The following HS6ST3 variants were observed in gnomAD, a reference collection of about 807,000 sequenced individuals.
The protein encoded by HS6ST3 is heparan sulfate 6-O-sulfotransferase 3.
Under a neutral mutation model 36.7 loss-of-function variants are expected in HS6ST3, and 12 were observed. That is an observed-to-expected ratio of 0.33 (90% confidence interval 0.21 to 0.53). HS6ST3 has a LOEUF of 0.53. Among genes scored for constraint, HS6ST3 ranks in the 20% least tolerant of loss-of-function variants. The pLI is 0.95. For missense variants in HS6ST3, 584 were observed against 640.9 expected (o/e 0.91, Z 0.96); for synonymous variants, 240 against 257.5 (o/e 0.93, Z 0.65).
chr13:96,167,798 A>G (rs1218216216), intron 1 of HS6ST3, among the ~76,000 whole-genome samples: 1 of 152,228 alleles, frequency 6.6e-6, no homozygotes, highest in East Asian at 1.9e-4. Flanking sequence ...TAACATTTCT[A>G]TGAAAATTTC....
chr13:96,602,608 T>G (rs2056425580), intron 1 of HS6ST3, among the ~76,000 whole-genome samples: 1 of 152,312 alleles, frequency 6.6e-6, no homozygotes, highest in East Asian at 1.9e-4. Context: ...CCAGAGCTGC[T>G]GAGGGCTTTC....
chr13:96,441,183 T>G (rs2055669269), intron 1 of HS6ST3, among the ~76,000 whole-genome samples: 1 of 152,210 alleles, frequency 6.6e-6, no homozygotes, highest in Non-Finnish European at 1.5e-5. Flanking sequence ...TTCCAGCCTC[T>G]AGAACTGTGA....
intron 1 of HS6ST3, among the ~76,000 whole-genome samples, chr13:96,639,548 T>A (rs546423135): frequency 1.9e-3 from 229 of 121,496 alleles, no homozygotes; most frequent in African/African-American, 6.1e-3. Flanking sequence ...TAAAAAAAAT[T>A]TTTCAACTTT....
chr13:96,193,840 T>A (rs2054300144), intron 1 of HS6ST3, among the ~76,000 whole-genome samples: 1 of 152,198 alleles, frequency 6.6e-6, no homozygotes, highest in South Asian at 2.1e-4. Flanking sequence ...GCCATCTTTT[T>A]ATTTTGTAAA....
chr13:96,823,782 G>A (rs1264218942), intron 1 of HS6ST3, among the ~76,000 whole-genome samples: 1 of 151,974 alleles, frequency 6.6e-6, no homozygotes, highest in African/African-American at 2.4e-5. Flanking sequence ...ACCATGCCAG[G>A]CTACTTTTTG....
chr13:96,166,425 C>G (rs1337587540), intron 1 of HS6ST3, among the ~76,000 whole-genome samples: 1 of 152,154 alleles, frequency 6.6e-6, no homozygotes, highest in East Asian at 1.9e-4. Context: ...CTCCTCTAAG[C>G]CCTTTGCACA....
At chr13:96,664,171 C>T (rs1417596980) in intron 1 of HS6ST3, among the ~76,000 whole-genome samples, 4 of 152,086 alleles carry the variant, frequency 2.6e-5, no homozygotes, top group South Asian at 2.1e-4. Context: ...AAGGAAATCT[C>T]GGCTTTCTCA....
chr13:96,090,859 G>A lies in HS6ST3; in HGVS notation c.-4G>A, dbSNP rs1258118968. 2.0e-6 allele frequency: 3 copies of A among 1,507,022 alleles called. No individual in the cohort carries two copies. The highest frequency in any genetic ancestry group is 1.5e-5 in the African/African-American group (1 of 68,460). The allele number at this position is 1,507,022 out of a possible 1,614,324, so 93.4% of individuals were successfully genotyped here. A position where few individuals can be genotyped will look rare whatever the true frequency, so the allele number is the denominator to read the frequency against. The stretch of plus-strand genomic sequence containing the variant: ...GCTTCGCCTGCCGGCCTGAGAGCGG[G>A]ACCATGGATGAAAGGTTCAACAAGT... On this transcript the variant is annotated 5_prime_UTR_variant, in exon 1 of 2. Transcript: ENST00000376705.
In HS6ST3 at chr13:96,767,988, T is replaced by C. The variant is rs1252184431; in HGVS notation, c.708-64502T>C. Among the ~76,000 whole-genome samples, 3 of 152,206 alleles carry C rather than the reference T, an allele frequency of 2.0e-5. No homozygotes were observed. The East Asian group carries it at 5.8e-4, about 29-fold the overall frequency. On this transcript the variant is annotated intron_variant, in intron 1 of 1. Coordinates refer to ENST00000376705, the MANE Select transcript of HS6ST3 (RefSeq NM_153456.4). ...CCTCCTTTGGAAGCCGTTATACTTTTGCTCTCCCATGTAAGCTAGAAATGG... is the reference window on the plus strand; with the variant it reads ...CCTCCTTTGGAAGCCGTTATACTTTCGCTCTCCCATGTAAGCTAGAAATGG...
At chr13:96,450,341 T>C (rs1436874399) in intron 1 of HS6ST3, among the ~76,000 whole-genome samples, 4 of 152,236 alleles carry the variant, frequency 2.6e-5, no homozygotes, top group African/African-American at 9.6e-5. Context: ...TTGAGACTTA[T>C]TTAAAAACAT....
intron 1 of HS6ST3, among the ~76,000 whole-genome samples, chr13:96,475,384 C>T (rs554414219): frequency 1.3e-5 from 2 of 152,190 alleles, no homozygotes; most frequent in South Asian, 4.1e-4. Context: ...CAGGAATGCA[C>T]ATTTTCCTGA....
chr13:96,766,398 A>G (rs572817938), intron 1 of HS6ST3, among the ~76,000 whole-genome samples: 2 of 152,280 alleles, frequency 1.3e-5, no homozygotes, highest in South Asian at 2.1e-4. Flanking sequence ...TTCCTTAGCT[A>G]GGAAGATTCT....
chr13:96,431,212 A>AAAAC (rs555241730), intron 1 of HS6ST3, among the ~76,000 whole-genome samples: 9 of 135,058 alleles, frequency 6.7e-5, no homozygotes, highest in South Asian at 2.4e-4. Context: ...TCTAAAACAA[A>AAAAC]AAACAAACAA....
At chr13:96,445,390 A>T (rs1194571541) in intron 1 of HS6ST3, among the ~76,000 whole-genome samples, 1 of 152,122 alleles carries the variant, frequency 6.6e-6, no homozygotes, top group Non-Finnish European at 1.5e-5. Flanking sequence ...TATACTTAAA[A>T]AGTAGTTTGA....
At chr13:96,117,574 A>G (rs1372036908) in intron 1 of HS6ST3, among the ~76,000 whole-genome samples, 2 of 152,174 alleles carry the variant, frequency 1.3e-5, no homozygotes, top group Admixed American at 6.5e-5. Context: ...AGAAAACATA[A>G]TATCTATGAA....
chr13:96,140,677 AAGC>A (rs751797286), intron 1 of HS6ST3, among the ~76,000 whole-genome samples: 1 of 152,238 alleles, frequency 6.6e-6, no homozygotes. Flanking sequence ...GGAAACCGTG[AAGC>A]CATTGCTGCA....
chr13:96,361,134 T>C (rs1265447319), intron 1 of HS6ST3, among the ~76,000 whole-genome samples: 1 of 152,032 alleles, frequency 6.6e-6, no homozygotes, highest in Non-Finnish European at 1.5e-5. Context: ...ATTTAGAGAG[T>C]CTTTTGATAC....
Position 96,832,917 on chromosome 13 carries a change from T to G in HS6ST3, c.1135T>G (p.Phe379Val). ...NLKFISPFTQ[F>V]NITRASNVEI... ...CAAGTTCATCTCCCCCTTCACACAG[T>G]TCAACATCACGCGGGCTTCTAACGT... The change falls in exon 2 of 2, where the codon TTC becomes GTC. Residue 379 changes from phenylalanine to valine, a missense_variant. Phe to Val is a conservative substitution (Grantham distance 50, BLOSUM62 -1). This residue lies in a region of HS6ST3 where 360 missense variants were observed against 411.3 expected (regional missense o/e 0.88). Coordinates refer to ENST00000376705, the MANE Select transcript of HS6ST3 (RefSeq NM_153456.4). The G allele has an allele frequency of 6.2e-7, 1 of 1,614,156 alleles. No homozygotes were observed. Among genetic ancestry groups the G allele is most frequent in the Non-Finnish European group, 8.5e-7 (1 of 1,180,026 alleles).
intron 1 of HS6ST3, among the ~76,000 whole-genome samples, chr13:96,559,262 GC>G (rs150262458): frequency 0.011 from 1,600 of 151,422 alleles, 27 homozygotes; most frequent in African/African-American, 0.031. Flanking sequence ...GACTATAGAC[GC>G]CCCCCCCACC....
Sources: allele counts gnomAD v4.1 joint callset (sites outside exome capture counted in the v4.1 genomes callset), GRCh38; gene constraint gnomAD v4.1.1; regional missense constraint gnomAD v4.1.1; transcripts MANE v1.5; gene names NCBI Gene and HGNC (gene_info 2026-07-23, HGNC 2026-07-21).